The following TIMM23B variants were observed in gnomAD, a reference collection of about 807,000 sequenced individuals.
The protein encoded by TIMM23B is translocase of inner mitochondrial membrane 23 homolog B.
A neutral mutation model predicts 27.3 loss-of-function variants in TIMM23B; 27 were observed. That is an observed-to-expected ratio of 0.99 (90% CI 0.73 to 1.36). The LOEUF (loss-of-function observed/expected upper bound fraction) is 1.36, where lower values mean the gene tolerates loss of function less well. Ranked by LOEUF, TIMM23B falls within the 40% of genes most tolerant of loss-of-function variation. TIMM23B has a pLI of 0.00. For missense variants in TIMM23B, 205 were observed against 244.2 expected (o/e 0.84, Z 1.07); for synonymous variants, 73 against 92.4 (o/e 0.79, Z 1.21).
chr10:49,950,682 C>T (rs1327824518), intron 2 of TIMM23B, among the ~76,000 whole-genome samples: 1 of 151,802 alleles, frequency 6.6e-6, no homozygotes, highest in Non-Finnish European at 1.5e-5. Flanking sequence ...GCTGGGACTA[C>T]AGGCGCACAC....
At chr10:49,951,737 A>G (rs1399921873) in intron 2 of TIMM23B, among the ~76,000 whole-genome samples, 1 of 152,188 alleles carries the variant, frequency 6.6e-6, no homozygotes, top group South Asian at 2.1e-4. Context: ...GGCTTTATAC[A>G]TAGAAAAATG....
intron 6 of TIMM23B, among the ~76,000 whole-genome samples, chr10:49,967,211 C>T (rs1312018023): frequency 2.6e-5 from 4 of 152,152 alleles, no homozygotes; most frequent in South Asian, 4.2e-4. Context: ...TGTGAACCAC[C>T]GCGCCCGGCC....
intron 1 of TIMM23B, among the ~76,000 whole-genome samples, chr10:49,943,013 G>T (rs1839202948): frequency 6.6e-6 from 1 of 152,174 alleles, no homozygotes; most frequent in Non-Finnish European, 1.5e-5. Flanking sequence ...TAGGCAGTTG[G>T]TCGTGGATAA....
intron 6 of TIMM23B, among the ~76,000 whole-genome samples, chr10:49,971,854 A>G (rs1554856651): frequency 6.6e-6 from 1 of 152,234 alleles, no homozygotes; most frequent in African/African-American, 2.4e-5. Context: ...GTGCTGTGGC[A>G]TAACTGCAGC....
rs199647940 is a variant in TIMM23B, at chr10:49,972,574, T to C, written c.515-438T>C. ...GTATAGCTTATTTCACCAATTATACTATCAAAAGCAGAAGTAGTTACTTAC... is the reference window on the plus strand; with the variant it reads ...GTATAGCTTATTTCACCAATTATACCATCAAAAGCAGAAGTAGTTACTTAC... On this transcript the variant is annotated intron_variant, in intron 6 of 6. Coordinates refer to ENST00000651259, the MANE Select transcript of TIMM23B (RefSeq NM_001290117.2). 4.3e-3 allele frequency among the ~76,000 whole-genome samples: 648 copies of C among 150,816 alleles called. 19 individuals are homozygous for C. Among genetic ancestry groups the C allele is most frequent in the Admixed American group, 0.036 (547 of 15,046 alleles).
chr10:49,957,332 A>G (rs1460865716), intron 5 of TIMM23B, among the ~76,000 whole-genome samples: 1 of 148,064 alleles, frequency 6.8e-6, no homozygotes, highest in Non-Finnish European at 1.5e-5. Flanking sequence ...ACTGCAACCT[A>G]GACTTCTGGG....
At chr10:49,962,588 T>A (rs1564686120) in intron 6 of TIMM23B, among the ~76,000 whole-genome samples, 1 of 152,158 alleles carries the variant, frequency 6.6e-6, no homozygotes, top group African/African-American at 2.4e-5. Context: ...CTATTCCCAT[T>A]GTCTTTTAAC....
In TIMM23B at chr10:49,974,037, T is replaced by A. The variant is rs1840563173; in HGVS notation, c.*973T>A. Reference sequence around the variant, plus strand: ...GGATGGTCTCGATCCCCCGACCTTGTGATCCACCCACCTTGGCCTCCCAAA... The same window carrying A: ...GGATGGTCTCGATCCCCCGACCTTGAGATCCACCCACCTTGGCCTCCCAAA... On this transcript the variant is annotated 3_prime_UTR_variant, in exon 7 of 7. Transcript: ENST00000651259. 1 of 137,884 alleles carries A rather than the reference T, an allele frequency of 7.3e-6. No homozygotes were observed. Among genetic ancestry groups the A allele is most frequent in the African/African-American group, 2.9e-5 (1 of 34,784 alleles). The allele number at this position is 137,884 out of a possible 1,614,324, so 8.5% of individuals were successfully genotyped here. A position where few individuals can be genotyped will look rare whatever the true frequency, so the allele number is the denominator to read the frequency against.
chr10:49,970,928 G>A (rs1490522000), intron 6 of TIMM23B, among the ~76,000 whole-genome samples: 1 of 152,186 alleles, frequency 6.6e-6, no homozygotes, highest in Admixed American at 6.5e-5. Flanking sequence ...TCGGATTGTT[G>A]CTGTGTCTGT....
chr10:49,954,908 G>C (rs1474710135), intron 4 of TIMM23B, 94 bp from the exon 5 acceptor site: 6 of 1,447,698 alleles, frequency 4.1e-6, no homozygotes, highest in Non-Finnish European at 3.8e-6. Context: ...TTGCGCCCTG[G>C]GTCTAGACAT....
intron 6 of TIMM23B, among the ~76,000 whole-genome samples, chr10:49,964,848 G>A (rs1554855164): frequency 1.3e-5 from 2 of 151,944 alleles, no homozygotes; most frequent in South Asian, 4.1e-4. Flanking sequence ...CTGTGGTGAT[G>A]CACTCCAGCC....
intron 1 of TIMM23B, chr10:49,943,402 G>T (rs1277302041): frequency 6.6e-6 from 1 of 151,314 alleles, no homozygotes; most frequent in South Asian, 2.1e-4. Flanking sequence ...TTTTTTTTTT[G>T]ACTTATTGTG....
At position 49,952,463 on chromosome 10, in the gene TIMM23B, G is replaced by A; in HGVS notation, c.274G>A (p.Ala92Thr). The change falls in exon 4 of 7, where the codon GCA (alanine) becomes ACA (threonine). Residue 92 changes from alanine to threonine, a missense_variant. Physicochemically the swap from Ala to Thr is moderately conservative, Grantham distance 58. Coordinates refer to ENST00000651259, the MANE Select transcript of TIMM23B (RefSeq NM_001290117.2). ...GCCMTGAAFG[A>T]MNGLRLGLKE... ...TGATTTACCAGGGGCTGCGTTTGGG[G>A]CAATGAATGGTCTTCGGCTAGGATT... 1 of 1,613,254 alleles carries A rather than the reference G, an allele frequency of 6.2e-7. No homozygotes were observed. The highest frequency in any genetic ancestry group is 8.5e-7 in the Non-Finnish European group (1 of 1,179,508).
At chr10:49,948,699 G>A (rs1254921789) in intron 2 of TIMM23B, among the ~76,000 whole-genome samples, 2 of 152,220 alleles carry the variant, frequency 1.3e-5, no homozygotes, top group Non-Finnish European at 2.9e-5. Context: ...TAGCTGCCAA[G>A]GGTTGGGAGT....
chr10:49,970,768 G>A (rs1239777520), intron 6 of TIMM23B, among the ~76,000 whole-genome samples: 2 of 148,970 alleles, frequency 1.3e-5, no homozygotes, highest in Non-Finnish European at 3.0e-5. Flanking sequence ...GCCTCTGCCC[G>A]GCCACCCCTT....
intron 6 of TIMM23B, among the ~76,000 whole-genome samples, chr10:49,968,907 TA>T (rs1333577299): frequency 1.3e-5 from 2 of 152,222 alleles, no homozygotes; most frequent in Non-Finnish European, 2.9e-5. Flanking sequence ...AAGGTCCGCC[TA>T]ATACCTTGCT....
At chr10:49,943,404 C>T (rs1839229694) in intron 1 of TIMM23B, 1 of 151,676 alleles carries the variant, frequency 6.6e-6, no homozygotes, top group African/African-American at 2.4e-5. Flanking sequence ...TTTTTTTTGA[C>T]TTATTGTGGA....
chr10:49,945,171 T>A, intron 2 of TIMM23B, 81 bp downstream of exon 2: 1 of 1,425,406 alleles, frequency 7.0e-7, no homozygotes, highest in Non-Finnish European at 9.8e-7. Context: ...ACTTGAACTA[T>A]GACATACACT....
intron 6 of TIMM23B, among the ~76,000 whole-genome samples, chr10:49,970,639 C>T (rs1241667586): frequency 2.6e-5 from 4 of 150,946 alleles, no homozygotes; most frequent in Non-Finnish European, 4.4e-5. Flanking sequence ...CCCCGCCCGG[C>T]CAGCTGCCCC....
Sources: gnomAD v4.1 joint callset for allele counts (sites outside exome capture counted in the v4.1 genomes callset) on GRCh38, gnomAD v4.1.1 for gene constraint, MANE v1.5 for transcripts, NCBI Gene and HGNC (gene_info 2026-07-23, HGNC 2026-07-21) for gene names.